CPS1: variants seen among roughly 807,000 people sequenced by gnomAD.
CPS1 encodes carbamoyl-phosphate synthase 1.
In CPS1, 109 loss-of-function variants were observed where a neutral mutation model predicts 174.6. That is an observed-to-expected ratio of 0.62 (90% CI 0.53 to 0.73). CPS1 has a LOEUF of 0.73. Ranked by LOEUF, CPS1 falls within the 30% of genes least tolerant of loss-of-function variation. The pLI, the probability that CPS1 is intolerant of heterozygous loss-of-function variation, is 0.00. For missense variants in CPS1, 1,689 were observed against 1,821.9 expected (o/e 0.93, Z 1.33); for synonymous variants, 637 against 632.0 (o/e 1.01, Z -0.12).
intron 1 of CPS1, among the ~76,000 whole-genome samples, chr2:210,524,008 C>T (rs1262694492): frequency 6.6e-6 from 1 of 151,994 alleles, no homozygotes; most frequent in African/African-American, 2.4e-5. Context: ...GTATATTCCG[C>T]AAAGTTTTGG....
Position 210,588,052 on chromosome 2 carries a change from T to C in CPS1, c.622-6T>C. Reference sequence around the variant, plus strand: ...CCCTCTCATTCTCTGGTTTTTAAAATGGCAGGATGTCAAAGTGTACGGCAA... The same window carrying C: ...CCCTCTCATTCTCTGGTTTTTAAAACGGCAGGATGTCAAAGTGTACGGCAA... On this transcript the variant is annotated splice_region_variant and splice_polypyrimidine_tract_variant and intron_variant, in intron 6 of 37. Coordinates refer to ENST00000233072, the MANE Select transcript of CPS1 (RefSeq NM_001875.5). 6.2e-7 allele frequency: 1 copy of C among 1,612,704 alleles called. No homozygotes were observed. Among genetic ancestry groups the C allele is most frequent in the Non-Finnish European group, 8.5e-7 (1 of 1,178,990 alleles).
chr2:210,555,157 T>G (rs1330833195), upstream of CPS1, among the ~76,000 whole-genome samples: 1 of 152,052 alleles, frequency 6.6e-6, no homozygotes, highest in Non-Finnish European at 1.5e-5. Flanking sequence ...ACCCTGCATC[T>G]AGGCTTTTAA....
chr2:210,485,248 A>AAAATAAT (rs1694685167), intron 1 of CPS1, among the ~76,000 whole-genome samples: 1 of 151,618 alleles, frequency 6.6e-6, no homozygotes, highest in Non-Finnish European at 1.5e-5. Flanking sequence ...AAAAAAAATA[A>AAAATAAT]AATAAAAATA....
chr2:210,631,568 A>T (rs1450943616), intron 21 of CPS1, among the ~76,000 whole-genome samples: 1 of 152,204 alleles, frequency 6.6e-6, no homozygotes, highest in Admixed American at 6.5e-5. Context: ...TGGTTTTAAG[A>T]CATTTTTTTC....
chr2:210,497,889 C>CATATATATATATATATATATATAT (rs1401841718), intron 1 of CPS1, among the ~76,000 whole-genome samples: 20 of 63,086 alleles, frequency 3.2e-4, no homozygotes, highest in South Asian at 1.2e-3. Flanking sequence ...ACAATATATA[C>CATATATATATATATATATATATAT]ATACATATAT....
chr2:210,539,431 A>G (rs1029000719), intron 1 of CPS1, among the ~76,000 whole-genome samples: 1 of 152,162 alleles, frequency 6.6e-6, no homozygotes, highest in Non-Finnish European at 1.5e-5. Context: ...ACCTTATTTT[A>G]TTTATTTTTT....
chr2:210,666,682 C>G (rs1360678107), intron 33 of CPS1, among the ~76,000 whole-genome samples: 10 of 152,104 alleles, frequency 6.6e-5, no homozygotes, highest in Admixed American at 6.6e-4. Flanking sequence ...TTCTATTGAT[C>G]TATATCTCTG....
chr2:210,535,069 A>T (rs1696211233), intron 1 of CPS1, among the ~76,000 whole-genome samples: 1 of 152,220 alleles, frequency 6.6e-6, no homozygotes, highest in Non-Finnish European at 1.5e-5. Flanking sequence ...TTTCGGCAAC[A>T]GGCCCACTGA....
At chr2:210,641,395 G>A (rs1263916050) in intron 24 of CPS1, among the ~76,000 whole-genome samples, 1 of 152,106 alleles carries the variant, frequency 6.6e-6, no homozygotes, top group African/African-American at 2.4e-5. Flanking sequence ...CAAAGTGCTG[G>A]TATTACAGGC....
chr2:210,593,393 G>T, intron 11 of CPS1: 2 of 1,072,998 alleles, frequency 1.9e-6, no homozygotes, highest in East Asian at 7.3e-5. Context: ...GGAGAAGGAG[G>T]GGAAGGGTGT....
chr2:210,588,004 T>G (rs374194056), intron 6 of CPS1, 54 bp from the exon 7 acceptor site: 303 of 1,511,756 alleles, frequency 2.0e-4, no homozygotes, highest in Non-Finnish European at 2.7e-4. Context: ...ATGATTTTGG[T>G]CTGTTGCCCA....
intron 27 of CPS1, among the ~76,000 whole-genome samples, chr2:210,649,479 T>G (rs1342196268): frequency 2.0e-5 from 3 of 152,190 alleles, no homozygotes; most frequent in Non-Finnish European, 2.9e-5. Context: ...GAAAGCCCTT[T>G]AGGCAGAAAT....
rs1700258434 is a variant in CPS1 at position 210,642,531 on chromosome 2, C to G, written c.3007C>G (p.Leu1003Val). Residue 1003 changes from leucine (L) to valine (V), a missense_variant, in exon 25 of 38, where the codon CTG becomes GTG. Leu to Val is a conservative substitution (Grantham distance 32, BLOSUM62 1). Transcript: ENST00000233072. ...DWCAVSSIRTLRQLGKKTVVV... is the reference protein window; with the variant it reads ...DWCAVSSIRTVRQLGKKTVVV... ...GTGTGCTGTCTCTAGTATCCGCACA[C>G]TGCGTCAACTTGGCAAGAAGACGGT... The G allele has an allele frequency of 6.2e-7, 1 of 1,613,964 alleles. No homozygotes were observed.
intron 10 of CPS1, 31 bp downstream of exon 10, chr2:210,592,000 G>T (rs779386707): frequency 2.5e-6 from 4 of 1,604,320 alleles, no homozygotes; most frequent in Non-Finnish European, 3.4e-6. Context: ...TGTTCAGTTG[G>T]TGATGAGAAA....
Position 210,590,102 on chromosome 2 carries a change from C to T in CPS1, c.712-4C>T, listed in dbSNP as rs773718746. On this transcript the variant is annotated splice_polypyrimidine_tract_variant and splice_region_variant and intron_variant, in intron 7 of 37. Transcript: ENST00000233072. ...AATTCATCATTCTTGTGTCTCTTTTCCAGCGAGGAGCTGAAGTGCACTTAG... is the reference window on the plus strand; with the variant it reads ...AATTCATCATTCTTGTGTCTCTTTTTCAGCGAGGAGCTGAAGTGCACTTAG... 6.8e-6 allele frequency: 11 copies of T among 1,612,558 alleles called. No homozygotes were observed. The highest frequency in any genetic ancestry group is 9.3e-6 in the Non-Finnish European group (11 of 1,178,982).
At chr2:210,605,909 T>A (rs1473024046) in intron 17 of CPS1, among the ~76,000 whole-genome samples, 2 of 151,672 alleles carry the variant, frequency 1.3e-5, no homozygotes, top group Non-Finnish European at 2.9e-5. Flanking sequence ...ACATTTAGAT[T>A]TATAGGGCAG....
upstream of CPS1, among the ~76,000 whole-genome samples, chr2:210,554,218 C>T (rs1209305790): frequency 7.5e-6 from 1 of 133,780 alleles, no homozygotes; most frequent in African/African-American, 3.0e-5. Context: ...TATATATATA[C>T]ACACACATAT....
chr2:210,661,228 A>G (rs951216510), intron 32 of CPS1, among the ~76,000 whole-genome samples: 1 of 152,196 alleles, frequency 6.6e-6, no homozygotes, highest in Non-Finnish European at 1.5e-5. Flanking sequence ...TTTCCAATAC[A>G]TATGTATATT....
At chr2:210,487,123 C>T (rs901396372) in intron 1 of CPS1, among the ~76,000 whole-genome samples, 1 of 152,114 alleles carries the variant, frequency 6.6e-6, no homozygotes, top group African/African-American at 2.4e-5. Context: ...TGAAGTATAA[C>T]TCAAGAATAT....
Sources: allele counts gnomAD v4.1 joint callset (sites outside exome capture counted in the v4.1 genomes callset), GRCh38; gene constraint gnomAD v4.1.1; transcripts MANE v1.5; gene names NCBI Gene and HGNC (gene_info 2026-07-23, HGNC 2026-07-21).